PAPPA2: variants seen among roughly 807,000 people sequenced by gnomAD.
PAPPA2 encodes pappalysin 2.
In PAPPA2, 86 loss-of-function variants were observed where a neutral mutation model predicts 176.4. That is an observed-to-expected ratio of 0.49 (90% CI 0.41 to 0.58). PAPPA2 has a LOEUF of 0.58. Among genes scored for constraint, PAPPA2 ranks in the 20% least tolerant of loss-of-function variants. The pLI, the probability that PAPPA2 is intolerant of heterozygous loss-of-function variation, is 0.00. For missense variants in PAPPA2, 2,073 were observed against 2,256.9 expected (o/e 0.92, Z 1.65); for synonymous variants, 809 against 852.2 (o/e 0.95, Z 0.88).
At chr1:176,804,863 TATG>T (rs1665828133) in intron 21 of PAPPA2, among the ~76,000 whole-genome samples, 1 of 152,230 alleles carries the variant, frequency 6.6e-6, no homozygotes, top group African/African-American at 2.4e-5. Context: ...GCAAATATTT[TATG>T]ATAACTGTAT....
rs117193639 is a variant in PAPPA2 at position 176,495,338 on chromosome 1, C to T, written c.-917+31920C>T. 1.3e-3 allele frequency among the ~76,000 whole-genome samples: 203 copies of T among 151,992 alleles called. 2 individuals carry two copies. Among genetic ancestry groups the T allele is most frequent in the East Asian group, 9.5e-3 (49 of 5,164 alleles). ...GGCGAATCACCTAAGGTCAGGAGTT[C>T]GAGACTAGACTGACCGACACTGAGA... On this transcript the variant is annotated intron_variant, in intron 1 of 22. Coordinates refer to ENST00000367662, the MANE Select transcript of PAPPA2 (RefSeq NM_020318.3).
intron 21 of PAPPA2, 76 bp from the exon 22 acceptor site, chr1:176,840,096 TG>T: frequency 2.6e-6 from 3 of 1,163,290 alleles, no homozygotes; most frequent in Non-Finnish European, 3.9e-6. Flanking sequence ...TGGATTACGC[TG>T]GGATGGGAGG....
At chr1:176,835,646 A>G (rs1667243615) in intron 21 of PAPPA2, among the ~76,000 whole-genome samples, 1 of 152,108 alleles carries the variant, frequency 6.6e-6, no homozygotes, top group African/African-American at 2.4e-5. Context: ...CAGCCTCCCA[A>G]GTAGCTGGGA....
chr1:176,633,894 TATC>T (rs1358197099), intron 3 of PAPPA2, among the ~76,000 whole-genome samples: 2 of 152,170 alleles, frequency 1.3e-5, no homozygotes, highest in Non-Finnish European at 2.9e-5. Context: ...CACAATGAGA[TATC>T]ATCTCACACC....
At chr1:176,727,722 C>G (rs1370389995) in intron 12 of PAPPA2, among the ~76,000 whole-genome samples, 1 of 151,818 alleles carries the variant, frequency 6.6e-6, no homozygotes, top group Non-Finnish European at 1.5e-5. Context: ...TGACCTAACT[C>G]ACATTTGTAG....
chr1:176,786,747 G>A (rs971073344), intron 17 of PAPPA2, among the ~76,000 whole-genome samples: 4 of 152,210 alleles, frequency 2.6e-5, no homozygotes, highest in African/African-American at 9.7e-5. Flanking sequence ...TTTACCGTGT[G>A]TTTTGAATAA....
chr1:176,666,275 A>C (rs775278337), intron 3 of PAPPA2, among the ~76,000 whole-genome samples: 3 of 152,168 alleles, frequency 2.0e-5, no homozygotes, highest in Non-Finnish European at 4.4e-5. Flanking sequence ...TTCCAATAAG[A>C]GAATGATTTT....
At chr1:176,577,892 G>A (rs1279949699) in intron 2 of PAPPA2, among the ~76,000 whole-genome samples, 1 of 152,004 alleles carries the variant, frequency 6.6e-6, no homozygotes, top group Non-Finnish European at 1.5e-5. Context: ...CACACAGCAT[G>A]TTTTTTTAGT....
intron 12 of PAPPA2, among the ~76,000 whole-genome samples, chr1:176,737,745 A>T (rs1035900023): frequency 2.6e-5 from 4 of 152,102 alleles, no homozygotes; most frequent in Non-Finnish European, 5.9e-5. Context: ...AGACCCTTGG[A>T]GCAAGGAGGC....
At chr1:176,683,100 C>T (rs1659667669) in intron 4 of PAPPA2, among the ~76,000 whole-genome samples, 1 of 151,756 alleles carries the variant, frequency 6.6e-6, no homozygotes, top group African/African-American at 2.4e-5. Flanking sequence ...CCATGAGCCA[C>T]TTGGGCATTC....
rs1464504166 is a variant in PAPPA2 at position 176,463,207 on chromosome 1, C to T, written c.-1128C>T. On this transcript the variant is annotated 5_prime_UTR_variant, in exon 1 of 23. Coordinates refer to ENST00000367662, the MANE Select transcript of PAPPA2 (RefSeq NM_020318.3). The stretch of plus-strand genomic sequence containing the variant: ...TCTCTCTTGAGTAGGCACACACTCC[C>T]TTTTCTCGGGTGTGTACTTTTTGCT... 1 of 152,200 alleles carries T rather than the reference C, an allele frequency of 6.6e-6. No individual in the cohort carries two copies. The highest frequency in any genetic ancestry group is 1.5e-5 in the Non-Finnish European group (1 of 68,044). 9.4% of individuals were successfully genotyped at this position (152,200 alleles called of 1,614,324 possible).
At chr1:176,500,345 A>T (rs1213507236) in intron 1 of PAPPA2, among the ~76,000 whole-genome samples, 1 of 151,846 alleles carries the variant, frequency 6.6e-6, no homozygotes, top group African/African-American at 2.4e-5. Flanking sequence ...AAAAGGAAAA[A>T]GTGACTTTAG....
chr1:176,511,565 T>C (rs1055276607), intron 1 of PAPPA2, among the ~76,000 whole-genome samples: 2 of 152,324 alleles, frequency 1.3e-5, no homozygotes, highest in East Asian at 3.9e-4. Context: ...GGTACCTAGA[T>C]AACTGGTGAA....
chr1:176,839,745 A>G (rs1260820345), intron 21 of PAPPA2, among the ~76,000 whole-genome samples: 2 of 152,214 alleles, frequency 1.3e-5, no homozygotes, highest in Non-Finnish European at 2.9e-5. Context: ...GGCAATTCTT[A>G]TCATCTCTAT....
chr1:176,623,669 T>TC (rs1558479324), intron 3 of PAPPA2, among the ~76,000 whole-genome samples: 63 of 58,836 alleles, frequency 1.1e-3, no homozygotes, highest in African/African-American at 5.3e-3. Flanking sequence ...CTTTCTTTCT[T>TC]TTTCTTTCTT....
rs901879793 is a variant in PAPPA2, at chr1:176,664,120, T to A, written c.1992-6850T>A. Among the ~76,000 whole-genome samples the A allele has an allele frequency of 2.0e-5, 3 of 152,312 alleles. No homozygotes were observed. In the East Asian group the frequency reaches 5.8e-4, roughly 29 times the overall value. On this transcript the variant is annotated intron_variant, in intron 3 of 22. Transcript: ENST00000367662. ...TTTATGCTCTTTTATTTTCCAGTGG[T>A]ATTACTTTGAAGTGAAAAGAGATGT...
At chr1:176,675,572 A>G (rs1283565024) in intron 4 of PAPPA2, among the ~76,000 whole-genome samples, 1 of 152,086 alleles carries the variant, frequency 6.6e-6, no homozygotes, top group Non-Finnish European at 1.5e-5. Flanking sequence ...CATTGTAGAA[A>G]ATTTACAAAC....
At chr1:176,675,225 G>C (rs1659227920) in intron 4 of PAPPA2, among the ~76,000 whole-genome samples, 1 of 151,984 alleles carries the variant, frequency 6.6e-6, no homozygotes, top group South Asian at 2.1e-4. Context: ...ATTCTTTGGA[G>C]AAAGACATAA....
intron 4 of PAPPA2, among the ~76,000 whole-genome samples, chr1:176,686,354 C>T (rs530755649): frequency 7.0e-4 from 107 of 152,286 alleles, no homozygotes; most frequent in African/African-American, 2.5e-3. Flanking sequence ...ACTTATAAAA[C>T]TATGAGATCT....
Sources: gnomAD v4.1 joint callset for allele counts (sites outside exome capture counted in the v4.1 genomes callset) on GRCh38, gnomAD v4.1.1 for gene constraint, MANE v1.5 for transcripts, NCBI Gene and HGNC (gene_info 2026-07-23, HGNC 2026-07-21) for gene names.